The following PDLIM7 variants were observed in gnomAD, a reference collection of about 807,000 sequenced individuals.
PDLIM7 encodes PDZ and LIM domain protein 7.
A neutral mutation model predicts 53.9 loss-of-function variants in PDLIM7; 37 were observed. That is an observed-to-expected ratio of 0.69 (90% CI 0.53 to 0.90). PDLIM7 has a LOEUF of 0.90. Among genes scored for constraint, PDLIM7 ranks in the 40% least tolerant of loss-of-function variants. The pLI is 0.00. For synonymous variants in PDLIM7, 300 were observed against 261.3 expected (o/e 1.15, Z -1.43); for missense variants, 617 against 638.5 (o/e 0.97, Z 0.36).
intron 4 of PDLIM7, 192 bp from the exon 5 acceptor site, chr5:177,492,117 C>T: frequency 2.0e-6 from 1 of 511,142 alleles, no homozygotes; most frequent in Admixed American, 3.7e-5. Flanking sequence ...GTGGCGATCT[C>T]AGTCCACGCA....
intron 10 of PDLIM7, among the ~76,000 whole-genome samples, chr5:177,486,058 A>G (rs1025141516): frequency 7.2e-5 from 11 of 152,002 alleles, no homozygotes; most frequent in Non-Finnish European, 1.0e-4. Flanking sequence ...CCACAGGTGC[A>G]TGCCACCACA....
In PDLIM7 at chr5:177,492,537, C is replaced by T; in HGVS notation, c.237G>A (p.Leu79=). 1 of 1,613,622 alleles carries T rather than the reference C, an allele frequency of 6.2e-7. No homozygotes were observed. The highest frequency in any genetic ancestry group is 8.5e-7 in the Non-Finnish European group (1 of 1,179,668). ...GTCCACCCGCATACCTGCTGAGGCC[C>T]AGGCTGAGGCGCTCCCCGCAGGCCC... The part of the protein sequence containing the change: ...KIRACGERLS[L]GLSRAQPVQS... Residue 79 remains leucine (L), a synonymous_variant, in exon 3 of 13, where the codon CTG becomes CTA. Transcript: ENST00000355841.
chr5:177,488,157 A>G lies in PDLIM7; in HGVS notation c.961T>C (p.Phe321Leu). ...CAGAAGATGGCGCCCTTCTCCTCAA[A>G]GAAGCCACCCTCTTCCAGGACCTTC... ...CGKVLEEGGF[F>L]EEKGAIFCPP... Residue 321 changes from phenylalanine to leucine, a missense_variant, in exon 10 of 13, where the codon TTT becomes CTT. Coordinates refer to ENST00000355841, the MANE Select transcript of PDLIM7 (RefSeq NM_005451.5). The G allele has an allele frequency of 6.2e-7, 1 of 1,613,490 alleles. No individual in the cohort carries two copies. Among genetic ancestry groups the G allele is most frequent in the East Asian group, 2.2e-5 (1 of 44,870 alleles).
chr5:177,484,329 C>A, intron 10 of PDLIM7, 139 bp from the exon 11 acceptor site: 1 of 1,001,868 alleles, frequency 1.0e-6, no homozygotes, highest in East Asian at 2.5e-5. Flanking sequence ...GACTCCCACA[C>A]CTCCATCTCC....
Position 177,489,768 on chromosome 5 carries a change from C to T in PDLIM7, c.634+3G>A, listed in dbSNP as rs1561702132. The T allele has an allele frequency of 6.5e-7, 1 of 1,549,802 alleles. No individual in the cohort carries two copies. The highest frequency in any genetic ancestry group is 8.7e-7 in the Non-Finnish European group (1 of 1,147,152). ...GCCCAGGCCCGAGCCCACTCCCTCTCACCAGGCCAGGGCTCCTGGGGTGTA... is the reference window on the plus strand; with the variant it reads ...GCCCAGGCCCGAGCCCACTCCCTCTTACCAGGCCAGGGCTCCTGGGGTGTA... On this transcript the variant is annotated splice_donor_region_variant and intron_variant, in intron 8 of 12. Coordinates refer to ENST00000355841, the MANE Select transcript of PDLIM7 (RefSeq NM_005451.5).
chr5:177,489,482 G>A lies in PDLIM7; in HGVS notation c.780C>T (p.Ser260=), dbSNP rs773114077. 1 of 1,607,370 alleles carries A rather than the reference G, an allele frequency of 6.2e-7. No individual in the cohort carries two copies. The highest frequency in any genetic ancestry group is 1.1e-5 in the South Asian group (1 of 89,730). Residue 260 remains serine (S), a synonymous_variant, in exon 9 of 13, where the codon TCC becomes TCT. Coordinates refer to ENST00000355841, the MANE Select transcript of PDLIM7 (RefSeq NM_005451.5). ...ATPTPLQSRT[S]IVQAAAGGVP... ...CCCCTCCGGCAGCTGCCTGCACAAT[G>A]GAGGTGCGGCTCTGCAGCGGCGTGG...
Position 177,483,632 on chromosome 5 carries a change from G to T in PDLIM7, c.*12C>A. 2 of 1,592,456 alleles carry T rather than the reference G, an allele frequency of 1.3e-6. No homozygotes were observed. Among genetic ancestry groups the T allele is most frequent in the Non-Finnish European group, 1.7e-6 (2 of 1,161,546 alleles). On this transcript the variant is annotated 3_prime_UTR_variant, in exon 13 of 13. Transcript: ENST00000355841. ...GCTAGGGGCCACCGCGGCAGCTGTG[G>T]GCAGAAGGGGCTCACACATGAGAGA...
chr5:177,492,763 G>C lies in PDLIM7; in HGVS notation c.97-86C>G. The C allele has an allele frequency of 2.1e-6, 3 of 1,438,940 alleles. No homozygotes were observed. In the East Asian group the frequency reaches 6.9e-5, roughly 33 times the overall value. 89.1% of individuals were successfully genotyped at this position (1,438,940 alleles called of 1,614,324 possible). Reference sequence around the variant, plus strand: ...CGGTGGTAACACTGCCCCACCCAAAGCTGTCCCACTTCCAGAACCCAGAGA... The same window carrying C: ...CGGTGGTAACACTGCCCCACCCAAACCTGTCCCACTTCCAGAACCCAGAGA... On this transcript the variant is annotated intron_variant, in intron 2 of 12. Transcript: ENST00000355841.
chr5:177,489,348 C>T, intron 9 of PDLIM7, 45 bp downstream of exon 9: 1 of 1,412,422 alleles, frequency 7.1e-7, no homozygotes, highest in Admixed American at 2.1e-5. Flanking sequence ...TGGGGCTGGG[C>T]TGCAGGATGG....
At position 177,492,632 on chromosome 5, in the gene PDLIM7, C is replaced by T. The variant is rs560574172; in HGVS notation, c.142G>A (p.Asp48Asn). 24 of 1,609,806 alleles carry T rather than the reference C, an allele frequency of 1.5e-5. No individual in the cohort carries two copies. In the East Asian group the frequency reaches 4.5e-4, roughly 30 times the overall value. The part of the protein sequence containing the change: ...KAAQAGVAVG[D>N]WVLSIDGENA... ...TCGCCATCGATGCTCAGCACCCAGT[C>T]ACCCACGGCCACTCCGGCCTGCGCC... Residue 48 changes from aspartate (D) to asparagine (N), a missense_variant, in exon 3 of 13, where the codon GAC (aspartate) becomes AAC (asparagine). Physicochemically the swap from Asp to Asn is conservative, Grantham distance 23 (BLOSUM62 1). Transcript: ENST00000355841.
intron 9 of PDLIM7, among the ~76,000 whole-genome samples, chr5:177,489,156 G>A (rs1454673897): frequency 6.6e-6 from 1 of 152,244 alleles, no homozygotes; most frequent in Non-Finnish European, 1.5e-5. Context: ...TCAGCCTATG[G>A]TTGGCCCTTC....
Position 177,489,595 on chromosome 5 carries a change from G to A in PDLIM7, c.667C>T (p.Pro223Ser), listed in dbSNP as rs1758639491. ...GCAAACGCAGGGTCCACAGCCCAGG[G>A]CGGGCGGCTGGTAGGGCTGGGGGCG... is the stretch of plus-strand genomic sequence containing the variant. ...PTAPSPTSRPPWAVDPAFAER... is the reference protein window; with the variant it reads ...PTAPSPTSRPSWAVDPAFAER... Residue 223 changes from proline (P) to serine (S), a missense_variant, in exon 9 of 13, where the codon CCC becomes TCC. Physicochemically the swap from Pro to Ser is moderately conservative, Grantham distance 74. Transcript: ENST00000355841. The A allele has an allele frequency of 6.2e-7, 1 of 1,606,368 alleles. No homozygotes were observed. The highest frequency in any genetic ancestry group is 1.1e-5 in the South Asian group (1 of 90,272).
intron 7 of PDLIM7, 89 bp from the exon 8 acceptor site, chr5:177,489,921 G>A: frequency 1.3e-6 from 2 of 1,539,814 alleles, no homozygotes; most frequent in South Asian, 1.2e-5. Context: ...CCCCACGGGA[G>A]ATGACTGGGG....
At chr5:177,490,086 T>C in intron 7 of PDLIM7, 1 of 1,526,438 alleles carries the variant, frequency 6.6e-7, no homozygotes, top group Non-Finnish European at 8.8e-7. Context: ...GTTCCCCTCA[T>C]GCCAGGAAGC....
chr5:177,486,388 C>T (rs1463242349), intron 10 of PDLIM7, among the ~76,000 whole-genome samples: 2 of 152,160 alleles, frequency 1.3e-5, no homozygotes, highest in African/African-American at 4.8e-5. Flanking sequence ...CCGGCCCTAG[C>T]ATAGTGCCAC....
At position 177,483,471 on chromosome 5, in the gene PDLIM7, T is replaced by C. The variant is rs1581748509; in HGVS notation, c.*173A>G. 1 of 532,604 alleles carries C rather than the reference T, an allele frequency of 1.9e-6. No homozygotes were observed. The highest frequency in any genetic ancestry group is 3.3e-6 in the Non-Finnish European group (1 of 306,992). The allele number at this position is 532,604 out of a possible 1,614,324, so 33.0% of individuals were successfully genotyped here. On this transcript the variant is annotated 3_prime_UTR_variant, in exon 13 of 13. Coordinates refer to ENST00000355841, the MANE Select transcript of PDLIM7 (RefSeq NM_005451.5). ...GGCCAGCACCGGTGTGCTGTGGTGG[T>C]GGAGGGAGTGGGGTGGGAGGATAAG...
At chr5:177,492,030 AC>A in intron 4 of PDLIM7, 105 bp from the exon 5 acceptor site, 1 of 139,412 alleles carries the variant, frequency 7.2e-6, no homozygotes, top group Non-Finnish European at 1.2e-5. Context: ...CCAGCCCCCC[AC>A]CCCCACCCCA....
At chr5:177,493,820 TG>T (rs922545880) in intron 2 of PDLIM7, among the ~76,000 whole-genome samples, 4 of 126,870 alleles carry the variant, frequency 3.2e-5, no homozygotes, top group Non-Finnish European at 6.8e-5. Context: ...TTTCACTGGG[TG>T]GGGGGGATCT....
At chr5:177,496,817 T>G in intron 1 of PDLIM7, 1 of 207,758 alleles carries the variant, frequency 4.8e-6, no homozygotes, top group Middle Eastern at 1.7e-3. Context: ...GGGACTAAAC[T>G]GGCGCGGCCT....
Sources: gnomAD v4.1 joint callset for allele counts (sites outside exome capture counted in the v4.1 genomes callset) on GRCh38, gnomAD v4.1.1 for gene constraint, MANE v1.5 for transcripts, NCBI Gene and HGNC (gene_info 2026-07-23, HGNC 2026-07-21) for gene names.